The following CLASP2 variants were observed in gnomAD, a reference collection of about 807,000 sequenced individuals.
CLASP2 encodes CLIP-associating protein 2.
In CLASP2, 47 loss-of-function variants were observed where a neutral mutation model predicts 194.4. The ratio of observed to expected loss-of-function variants is 0.24; its 90% CI spans 0.19 to 0.31. The LOEUF (loss-of-function observed/expected upper bound fraction) is 0.31, where lower values mean the gene tolerates loss of function less well. CLASP2 is among the 10% of genes least tolerant of loss of function. The pLI is 1.00. For synonymous variants in CLASP2, 619 were observed against 633.5 expected (o/e 0.98, Z 0.34); for missense variants, 1,445 against 1,823.6 (o/e 0.79, Z 3.78).
chr3:33,576,338 G>A, intron 23 of CLASP2, 63 bp from the exon 24 acceptor site: 2 of 1,361,032 alleles, frequency 1.5e-6, no homozygotes, highest in Non-Finnish European at 1.0e-6. Context: ...TGTCAGGTTG[G>A]GAAACTTTAA....
intron 34 of CLASP2, among the ~76,000 whole-genome samples, chr3:33,533,431 A>G (rs962791758): frequency 2.6e-5 from 4 of 152,234 alleles, no homozygotes; most frequent in Admixed American, 6.5e-5. Flanking sequence ...CAACTTTGCT[A>G]GTAATCAAAG....
intron 13 of CLASP2, among the ~76,000 whole-genome samples, chr3:33,608,901 A>G (rs1218416708): frequency 6.6e-6 from 1 of 151,812 alleles, no homozygotes; most frequent in African/African-American, 2.4e-5. Flanking sequence ...TACTGAACTT[A>G]CTCAGGATCC....
At chr3:33,513,743 T>C (rs569565817) in intron 36 of CLASP2, among the ~76,000 whole-genome samples, 7 of 152,354 alleles carry the variant, frequency 4.6e-5, no homozygotes, top group Non-Finnish European at 8.8e-5. Flanking sequence ...TAATGACTAA[T>C]GATGTTGAAC....
At position 33,538,839 on chromosome 3, in the gene CLASP2, C is replaced by T; in HGVS notation, c.3508G>A (p.Asp1170Asn). ...TCCCTTTTCAATGGCTCATTCATAT[C>T]TTCTTGGCTACGGAAGCTGAAATTC... ...IQNFSFRSQEDMNEPLKRDSK... is the reference protein window; with the variant it reads ...IQNFSFRSQENMNEPLKRDSK... Residue 1170 changes from aspartate (D) to asparagine (N), a missense_variant, in exon 33 of 39, where the codon GAT (aspartate) becomes AAT (asparagine). This residue lies in a region of CLASP2 where 732 missense variants were observed against 987.9 expected (regional missense o/e 0.74). Transcript: ENST00000682230. 1 of 1,603,988 alleles carries T rather than the reference C, an allele frequency of 6.2e-7. No individual in the cohort carries two copies. The highest frequency in any genetic ancestry group is 8.5e-7 in the Non-Finnish European group (1 of 1,174,782).
At chr3:33,611,438 T>C (rs886409892) in intron 13 of CLASP2, among the ~76,000 whole-genome samples, 3 of 152,110 alleles carry the variant, frequency 2.0e-5, no homozygotes, top group Admixed American at 2.0e-4. Context: ...ACTAATATCA[T>C]TTTCTTTCAG....
chr3:33,689,792 C>A (rs775010504), intron 3 of CLASP2, 37 bp downstream of exon 3: 1 of 1,412,478 alleles, frequency 7.1e-7, no homozygotes, highest in South Asian at 1.4e-5. Flanking sequence ...CCTGTGATTA[C>A]CATTAGCAAA....
chr3:33,514,501 A>G lies in CLASP2; in HGVS notation c.4110+1522T>C, dbSNP rs1479959684. ...GCTTTAGCTCTTGCATTTGGCTCTC[A>G]TTCATTTTATCTCACTGCTATTTTA... On this transcript the variant is annotated intron_variant, in intron 36 of 38. Transcript: ENST00000682230. The G allele has an allele frequency of 4.9e-5, 8 of 162,728 alleles. No individual in the cohort carries two copies. In the South Asian group the frequency reaches 1.4e-3, roughly 28 times the overall value. The allele number at this position is 162,728 out of a possible 1,614,324, so 10.1% of individuals were successfully genotyped here. A position where few individuals can be genotyped will look rare whatever the true frequency, so the allele number is the denominator to read the frequency against.
intron 8 of CLASP2, among the ~76,000 whole-genome samples, chr3:33,642,885 AAG>A (rs1252828382): frequency 2.6e-5 from 4 of 151,706 alleles, no homozygotes; most frequent in Non-Finnish European, 3.0e-5. Context: ...TGCCAAAACG[AAG>A]AAGAAGAAGA....
At chr3:33,681,543 T>A (rs145460891) in intron 6 of CLASP2, among the ~76,000 whole-genome samples, 382 of 152,256 alleles carry the variant, frequency 2.5e-3, no homozygotes, top group Non-Finnish European at 3.9e-3. Context: ...CATGTTAAAC[T>A]ATATACCACA....
rs931921969 is a variant in CLASP2, at chr3:33,497,605, T to G, written c.*1026A>C. On this transcript the variant is annotated 3_prime_UTR_variant, in exon 39 of 39. Transcript: ENST00000682230. ...AGCCTTGGCACCATCTTCTCTCTCATCAGGATCAATATTTTCAAGTAAGAC... is the reference window on the plus strand; with the variant it reads ...AGCCTTGGCACCATCTTCTCTCTCAGCAGGATCAATATTTTCAAGTAAGAC... 2 of 152,560 alleles carry G rather than the reference T, an allele frequency of 1.3e-5. No homozygotes were observed. Among genetic ancestry groups the G allele is most frequent in the Non-Finnish European group, 2.9e-5 (2 of 68,030 alleles). The allele number at this position is 152,560 out of a possible 1,614,324, so 9.5% of individuals were successfully genotyped here.
Position 33,718,200 on chromosome 3 carries a change from C to T in CLASP2, c.-198G>A. 1 of 373,758 alleles carries T rather than the reference C, an allele frequency of 2.7e-6. No homozygotes were observed. The highest frequency in any genetic ancestry group is 4.7e-6 in the Non-Finnish European group (1 of 211,206). 23.2% of individuals were successfully genotyped at this position (373,758 alleles called of 1,614,324 possible). On this transcript the variant is annotated 5_prime_UTR_variant, in exon 1 of 39. Transcript: ENST00000682230. Reference sequence around the variant, plus strand: ...CCAAACTAGTCAAACTCGGCGCCCCCCGATCCCCAGCCCGCTTCAGAGGCC... The same window carrying T: ...CCAAACTAGTCAAACTCGGCGCCCCTCGATCCCCAGCCCGCTTCAGAGGCC...
chr3:33,691,431 T>C (rs1172843325), intron 2 of CLASP2, among the ~76,000 whole-genome samples: 1 of 152,192 alleles, frequency 6.6e-6, no homozygotes. Context: ...AATTACATTC[T>C]TTTTGGGAAA....
At chr3:33,574,576 T>G (rs2064435054) in intron 24 of CLASP2, 1 of 732,562 alleles carries the variant, frequency 1.4e-6, no homozygotes, top group African/African-American at 1.8e-5. Context: ...AAATAGGCAT[T>G]AACAATGCCT....
intron 18 of CLASP2, chr3:33,602,717 C>G: frequency 1.5e-6 from 1 of 682,620 alleles, no homozygotes; most frequent in East Asian, 2.7e-5. Flanking sequence ...ATTCTACAGG[C>G]AATCATGGAT....
intron 12 of CLASP2, among the ~76,000 whole-genome samples, chr3:33,618,545 G>A (rs2154275889): frequency 6.6e-6 from 1 of 152,206 alleles, no homozygotes; most frequent in South Asian, 2.1e-4. Flanking sequence ...CTACTTGGAG[G>A]CTGAGGCGGG....
At chr3:33,663,140 G>A (rs1444773807) in intron 7 of CLASP2, among the ~76,000 whole-genome samples, 7 of 148,094 alleles carry the variant, frequency 4.7e-5, no homozygotes, top group Non-Finnish European at 8.9e-5. Context: ...GGAAAATGGA[G>A]GGCAAGAAGG....
intron 6 of CLASP2, among the ~76,000 whole-genome samples, chr3:33,683,893 T>C (rs954707733): frequency 6.8e-6 from 1 of 146,922 alleles, no homozygotes; most frequent in Non-Finnish European, 1.5e-5. Flanking sequence ...TGAGCCAAGA[T>C]TGTGCTACTG....
intron 27 of CLASP2, among the ~76,000 whole-genome samples, chr3:33,564,370 T>C (rs2062297685): frequency 6.6e-6 from 1 of 152,214 alleles, no homozygotes; most frequent in African/African-American, 2.4e-5. Flanking sequence ...CCACTTCTTT[T>C]TCTGGACTCA....
At chr3:33,557,154 AG>A (rs1285725076) in intron 29 of CLASP2, among the ~76,000 whole-genome samples, 1 of 151,730 alleles carries the variant, frequency 6.6e-6, no homozygotes, top group Non-Finnish European at 1.5e-5. Flanking sequence ...TTGTATTTTC[AG>A]TAGAGACAGG....
Sources: gnomAD v4.1 joint callset for allele counts (sites outside exome capture counted in the v4.1 genomes callset) on GRCh38, gnomAD v4.1.1 for gene constraint, gnomAD v4.1.1 regional missense constraint, MANE v1.5 for transcripts, NCBI Gene and HGNC (gene_info 2026-07-23, HGNC 2026-07-21) for gene names.